Variants in ZNF592 observed in about 807,000 individuals in gnomAD.
ZNF592 encodes the protein spinocerebellar ataxia, autosomal recessive 5.
Under a neutral mutation model 80.3 loss-of-function variants are expected in ZNF592, and 11 were observed. The ratio of observed to expected loss-of-function variants is 0.14; its 90% CI spans 0.09 to 0.23. The LOEUF (loss-of-function observed/expected upper bound fraction) is 0.23. Ranked by LOEUF, ZNF592 falls within the 10% of genes least tolerant of loss-of-function variation. ZNF592 has a pLI of 1.00. For synonymous variants in ZNF592, 646 were observed against 640.3 expected (o/e 1.01, Z -0.13); for missense variants, 1,420 against 1,633.9 (o/e 0.87, Z 2.26).
At chr15:84,750,878 G>C (rs556675446) in intron 1 of ZNF592, among the ~76,000 whole-genome samples, 1 of 152,192 alleles carries the variant, frequency 6.6e-6, no homozygotes, top group Non-Finnish European at 1.5e-5. Context: ...GAGCAATGGG[G>C]CCTTGGGGGC....
At chr15:84,781,658 A>G (rs1962424817) in intron 3 of ZNF592, among the ~76,000 whole-genome samples, 1 of 152,192 alleles carries the variant, frequency 6.6e-6, no homozygotes, top group South Asian at 2.1e-4. Context: ...AGAAACACTT[A>G]AGCCAGTAAA....
chr15:84,754,867 C>G (rs1204040144), intron 1 of ZNF592, among the ~76,000 whole-genome samples: 2 of 151,654 alleles, frequency 1.3e-5, no homozygotes, highest in African/African-American at 4.8e-5. Context: ...AGATTAACTT[C>G]TGGTCTCCAA....
At chr15:84,791,428 A>G (rs1962746403) in intron 5 of ZNF592, among the ~76,000 whole-genome samples, 1 of 152,172 alleles carries the variant, frequency 6.6e-6, no homozygotes, top group Non-Finnish European at 1.5e-5. Context: ...TTTCAATGGA[A>G]TTTCCTCCTT....
rs1189427649 is a variant in ZNF592 at position 84,783,213 on chromosome 15, G to A, written c.538G>A (p.Gly180Ser). The A allele has an allele frequency of 1.2e-6, 2 of 1,614,216 alleles. No homozygotes were observed. The highest frequency in any genetic ancestry group is 3.3e-5 in the Admixed American group (2 of 60,030). The change falls in exon 4 of 11, where the codon GGC (glycine) becomes AGC (serine). Residue 180 changes from glycine (G) to serine (S), a missense_variant. Coordinates refer to ENST00000560079, the MANE Select transcript of ZNF592 (RefSeq NM_014630.3). This position sits in a 1 kb window ranked among gnomAD's most constrained non-coding sequence, Gnocchi z 5.0. ...PPPLGCGAVG[G>S]PVLEALAKFP... ...CCCTCTTGGGTGCGGGGCTGTGGGA[G>A]GCCCAGTCCTGGAGGCTCTGGCTAA... is the stretch of plus-strand genomic sequence containing the variant.
chr15:84,783,406 TCAA>T lies in ZNF592; in HGVS notation c.734_736del (p.Asn245del), dbSNP rs1962482230. ...CGATTCTTCGGGGAAGCTTTGGAGT[TCAA>T]CAGCCATCCTAGCAACAGTATTGGA... On this transcript the variant is annotated inframe_deletion, in exon 4 of 11. Transcript: ENST00000560079. This position sits in a 1 kb window ranked among gnomAD's most constrained non-coding sequence, Gnocchi z 5.0. 1.2e-6 allele frequency: 2 copies of T among 1,614,036 alleles called. No individual in the cohort carries two copies. The highest frequency in any genetic ancestry group is 1.3e-5 in the African/African-American group (1 of 74,906).
intron 1 of ZNF592, among the ~76,000 whole-genome samples, chr15:84,753,847 C>A (rs1899084760): frequency 6.6e-6 from 1 of 152,126 alleles, no homozygotes; most frequent in Admixed American, 6.6e-5. Flanking sequence ...GGAGAGAGTT[C>A]TGAATGTTTG....
At chr15:84,782,535 A>G (rs2141984608) in intron 3 of ZNF592, 122 bp from the exon 4 acceptor site, 1 of 937,674 alleles carries the variant, frequency 1.1e-6, no homozygotes, top group Non-Finnish European at 1.7e-6. Context: ...GCTTCCTGTC[A>G]TAGTATGTGG....
Position 84,798,712 on chromosome 15 carries a change from G to A in ZNF592, c.2861G>A (p.Arg954Gln), listed in dbSNP as rs148855886. 21 of 1,612,888 alleles carry A rather than the reference G, an allele frequency of 1.3e-5. No homozygotes were observed. The highest frequency in any genetic ancestry group is 4.0e-5 in the African/African-American group (3 of 74,950). ...CCACCAGCCACTAGTGTGGCTGCTC[G>A]GAGCAGCTCCCTGCCTTCTGGCCGC... ...TEPPATSVAA[R>Q]SSSLPSGRWG... is the part of the protein sequence containing the mutation. The change falls in exon 8 of 11, where the codon CGG becomes CAG. Residue 954 changes from arginine (R) to glutamine (Q), a missense_variant. Transcript: ENST00000560079. This position sits in a 1 kb window ranked among gnomAD's most constrained non-coding sequence, Gnocchi z 4.5.
intron 4 of ZNF592, among the ~76,000 whole-genome samples, chr15:84,788,159 C>T (rs146370175): frequency 1.3e-5 from 2 of 152,266 alleles, no homozygotes; most frequent in East Asian, 1.9e-4. Flanking sequence ...CTGCGTTCTT[C>T]CTGTTTCATA....
rs1963015191 is a variant in ZNF592 at position 84,799,018 on chromosome 15, C to G, written c.3025-80C>G. 6.3e-7 allele frequency: 1 copy of G among 1,594,372 alleles called. No individual in the cohort carries two copies. The highest frequency in any genetic ancestry group is 1.3e-5 in the African/African-American group (1 of 74,614). On this transcript the variant is annotated intron_variant, in intron 8 of 10. Coordinates refer to ENST00000560079, the MANE Select transcript of ZNF592 (RefSeq NM_014630.3). The surrounding 1 kb of genome is among the most constrained non-coding windows in gnomAD (Gnocchi z 4.2). ...TCTTCGGGAGTATCCTCCTTTCTGC[C>G]CATGGCATCTGAGAAGAAAAATGCA...
At chr15:84,767,190 T>C (rs913706141) in intron 2 of ZNF592, among the ~76,000 whole-genome samples, 3 of 152,120 alleles carry the variant, frequency 2.0e-5, no homozygotes, top group African/African-American at 7.2e-5. Flanking sequence ...AATTTTTTTG[T>C]ATTTTTGTAG....
At position 84,783,223 on chromosome 15, in the gene ZNF592, T is replaced by C. The variant is rs542114228; in HGVS notation, c.548T>C (p.Leu183Pro). 1 of 1,614,218 alleles carries C rather than the reference T, an allele frequency of 6.2e-7. No individual in the cohort carries two copies. Among genetic ancestry groups the C allele is most frequent in the East Asian group, 2.2e-5 (1 of 44,882 alleles). The change falls in exon 4 of 11, where the codon CTG becomes CCG. Residue 183 changes from leucine to proline, a missense_variant. By Grantham distance (98) the Leu-to-Pro change is moderately conservative. Around this residue, in one of 7 missense-constraint regions of ZNF592, gnomAD observed 373 missense variants for 355.5 expected, o/e 1.05. Transcript: ENST00000560079. The surrounding 1 kb of genome is among the most constrained non-coding windows in gnomAD (Gnocchi z 5.0). ...LGCGAVGGPV[L>P]EALAKFPVPE... ...TGCGGGGCTGTGGGAGGCCCAGTCC[T>C]GGAGGCTCTGGCTAAGTTTCCGGTT...
chr15:84,750,018 G>A (rs1268615456), intron 1 of ZNF592, among the ~76,000 whole-genome samples: 1 of 152,190 alleles, frequency 6.6e-6, no homozygotes. Flanking sequence ...ATTAATAGTC[G>A]TGGCCGGGCG....
chr15:84,805,393 C>T lies in ZNF592; in HGVS notation c.*3000C>T, dbSNP rs1390790099. On this transcript the variant is annotated 3_prime_UTR_variant, in exon 11 of 11. Coordinates refer to ENST00000560079, the MANE Select transcript of ZNF592 (RefSeq NM_014630.3). ...CATCATCAGAAAATGCTTGCTGTAA[C>T]AAGCGTTTATCTGCACATTATGCTG... The T allele has an allele frequency of 3.9e-5, 6 of 152,418 alleles. No homozygotes were observed. The highest frequency in any genetic ancestry group is 1.4e-4 in the African/African-American group (6 of 41,508). The allele number at this position is 152,418 out of a possible 1,614,324, so 9.4% of individuals were successfully genotyped here.
intron 5 of ZNF592, among the ~76,000 whole-genome samples, chr15:84,794,251 GA>G (rs1962829847): frequency 6.6e-6 from 1 of 151,914 alleles, no homozygotes; most frequent in Admixed American, 6.6e-5. Flanking sequence ...TTTAAAAGAG[GA>G]AAAAAAGTAG....
At chr15:84,792,393 G>C (rs1358573415) in intron 5 of ZNF592, among the ~76,000 whole-genome samples, 1 of 152,216 alleles carries the variant, frequency 6.6e-6, no homozygotes, top group African/African-American at 2.4e-5. Context: ...ATTCTGGGAA[G>C]CTAACACGTA....
Position 84,784,229 on chromosome 15 carries a change from A to C in ZNF592, c.1554A>C (p.Ser518=). Residue 518 remains serine, a synonymous_variant, in exon 4 of 11, where the codon TCA becomes TCC. Coordinates refer to ENST00000560079, the MANE Select transcript of ZNF592 (RefSeq NM_014630.3). The surrounding 1 kb of genome is among the most constrained non-coding windows in gnomAD (Gnocchi z 5.8). ...LNLVPHSVAA[S]VTAKSSVQRR... ...TCGTCCCCCACAGTGTTGCTGCATC[A>C]GTGACAGCCAAGTCTTCAGTGCAAA... The C allele has an allele frequency of 6.2e-7, 1 of 1,614,230 alleles. No individual in the cohort carries two copies. The highest frequency in any genetic ancestry group is 8.5e-7 in the Non-Finnish European group (1 of 1,180,044).
intron 2 of ZNF592, among the ~76,000 whole-genome samples, chr15:84,776,913 G>A (rs946896245): frequency 6.6e-6 from 1 of 152,058 alleles, no homozygotes; most frequent in African/African-American, 2.4e-5. Flanking sequence ...TTAGCTGGGT[G>A]TGGTGGTGCG....
At chr15:84,759,967 A>G (rs10557154) in intron 1 of ZNF592, among the ~76,000 whole-genome samples, 6 of 16,894 alleles carry the variant, frequency 3.6e-4, no homozygotes, top group Non-Finnish European at 8.4e-4. Context: ...CCCCCCCCCC[A>G]CCCTGCCATT....
Sources: allele counts gnomAD v4.1 joint callset (sites outside exome capture counted in the v4.1 genomes callset), GRCh38; gene constraint gnomAD v4.1.1; regional missense constraint gnomAD v4.1.1; non-coding constraint Gnocchi (gnomAD v3.1); transcripts MANE v1.5; gene names NCBI Gene and HGNC (gene_info 2026-07-23, HGNC 2026-07-21).